The following ANXA4 variants were observed in gnomAD, a reference collection of about 807,000 sequenced individuals.
The protein encoded by ANXA4 is annexin A4.
In ANXA4, 39 loss-of-function variants were observed where a neutral mutation model predicts 49.8. That is an observed-to-expected ratio of 0.78 (90% CI 0.61 to 1.02). The LOEUF (loss-of-function observed/expected upper bound fraction) is 1.02, where lower values mean the gene tolerates loss of function less well. Ranked by LOEUF, ANXA4 falls within the 50% of genes least tolerant of loss-of-function variation. ANXA4 has a pLI of 0.00. For synonymous variants in ANXA4, 134 were observed against 152.5 expected, an observed-to-expected ratio of 0.88 and a Z score of 0.89; for missense variants, 360 against 410.1, an observed-to-expected ratio of 0.88 and a Z score of 1.05.
At chr2:69,717,944 G>T (rs1432125595) in intron 2 of ANXA4, among the ~76,000 whole-genome samples, 1 of 152,218 alleles carries the variant, frequency 6.6e-6, no homozygotes, top group Non-Finnish European at 1.5e-5. Flanking sequence ...GGAATTAAAA[G>T]GAATAGTTTT....
intron 1 of ANXA4, among the ~76,000 whole-genome samples, chr2:69,746,257 G>T (rs1388477984): frequency 1.3e-5 from 2 of 152,040 alleles, no homozygotes; most frequent in Non-Finnish European, 2.9e-5. Flanking sequence ...TGATCCACCC[G>T]CCTCGGCCTC....
intron 1 of ANXA4, among the ~76,000 whole-genome samples, chr2:69,762,623 T>A (rs560626940): frequency 4.0e-4 from 61 of 152,134 alleles, no homozygotes; most frequent in Admixed American, 7.2e-4. Flanking sequence ...AAAATATAAC[T>A]CCTAGCATGG....
intron 7 of ANXA4, chr2:69,810,919 G>A (rs1673679507): frequency 4.0e-6 from 2 of 505,438 alleles, no homozygotes; most frequent in Middle Eastern, 5.3e-4. Context: ...GTCACTCAGT[G>A]CATTGAGAGT....
intron 1 of ANXA4, among the ~76,000 whole-genome samples, chr2:69,780,475 C>T (rs773954460): frequency 5.3e-5 from 8 of 152,206 alleles, no homozygotes; most frequent in Admixed American, 1.3e-4. Context: ...GGATTACAGG[C>T]GTGAGCCACC....
chr2:69,656,715 A>G (rs1368072391), intron 2 of ANXA4, among the ~76,000 whole-genome samples: 1 of 151,080 alleles, frequency 6.6e-6, no homozygotes, highest in Admixed American at 6.6e-5. Context: ...ACACCCAACT[A>G]ATTTTTGTAT....
chr2:69,657,114 C>T (rs1166626489), intron 2 of ANXA4, among the ~76,000 whole-genome samples: 1 of 151,690 alleles, frequency 6.6e-6, no homozygotes, highest in East Asian at 1.9e-4. Flanking sequence ...CCTGGCTCAG[C>T]CTCCCGAGTA....
chr2:69,726,840 T>C (rs1669974083), intron 3 of ANXA4, among the ~76,000 whole-genome samples: 1 of 152,220 alleles, frequency 6.6e-6, no homozygotes, highest in Admixed American at 6.5e-5. Context: ...CTGTATTGTA[T>C]TCCATTATGT....
In ANXA4 at chr2:69,816,145, G is replaced by A; in HGVS notation, c.579G>A (p.Val193=). Residue 193 remains valine, a synonymous_variant, in exon 9 of 13, where the codon GTG becomes GTA. Coordinates refer to ENST00000394295, the MANE Select transcript of ANXA4 (RefSeq NM_001153.5). ...AGAAGAAATGGGGGACAGATGAGGTGAAATTTCTAACTGTTCTCTGTTCCC... is the reference window on the plus strand; with the variant it reads ...AGAAGAAATGGGGGACAGATGAGGTAAAATTTCTAACTGTTCTCTGTTCCC... ...AGEKKWGTDE[V]KFLTVLCSRN... 1.2e-6 allele frequency: 2 copies of A among 1,614,160 alleles called. No homozygotes were observed. The highest frequency in any genetic ancestry group is 1.7e-6 in the Non-Finnish European group (2 of 1,180,004).
At chr2:69,749,460 T>C (rs72839820) in intron 1 of ANXA4, among the ~76,000 whole-genome samples, 25,302 of 152,040 alleles carry the variant, frequency 0.17, 2,769 homozygotes, top group East Asian at 0.35. Flanking sequence ...AGTAGCAAAA[T>C]AGTAGAAACA....
chr2:69,701,218 A>G (rs1678320769), intron 2 of ANXA4, among the ~76,000 whole-genome samples: 1 of 151,990 alleles, frequency 6.6e-6, no homozygotes, highest in East Asian at 1.9e-4. Flanking sequence ...AAAAATTACT[A>G]TCTTAATCAT....
intron 1 of ANXA4, among the ~76,000 whole-genome samples, chr2:69,757,274 T>A (rs1466027322): frequency 0.013 from 1,344 of 102,834 alleles, 12 homozygotes; most frequent in African/African-American, 0.089. Flanking sequence ...ATATTTTTTT[T>A]TTTTTTTTTT....
At chr2:69,714,418 G>A (rs1379524448) in intron 2 of ANXA4, among the ~76,000 whole-genome samples, 1 of 152,222 alleles carries the variant, frequency 6.6e-6, no homozygotes, top group Non-Finnish European at 1.5e-5. Context: ...CCTGGCAACC[G>A]AAGCCGAAGG....
chr2:69,774,613 T>G (rs1435065036), intron 1 of ANXA4, among the ~76,000 whole-genome samples: 1 of 150,692 alleles, frequency 6.6e-6, no homozygotes, highest in East Asian at 2.0e-4. Flanking sequence ...GTGCAGAGAT[T>G]ACAGGCGTGA....
At chr2:69,753,404 G>A (rs1670930005) in intron 1 of ANXA4, among the ~76,000 whole-genome samples, 1 of 152,112 alleles carries the variant, frequency 6.6e-6, no homozygotes, top group East Asian at 1.9e-4. Flanking sequence ...AGAGTCAAGG[G>A]TCCTCACCGA....
At chr2:69,672,373 A>C (rs1002128915) in intron 2 of ANXA4, among the ~76,000 whole-genome samples, 2 of 151,916 alleles carry the variant, frequency 1.3e-5, no homozygotes, top group Admixed American at 6.6e-5. Flanking sequence ...CTGGGTTTAC[A>C]GTTATGTGCC....
intron 2 of ANXA4, among the ~76,000 whole-genome samples, chr2:69,672,848 G>A (rs987216508): frequency 6.6e-6 from 1 of 151,962 alleles, no homozygotes; most frequent in African/African-American, 2.4e-5. Context: ...GCTGGTAGTG[G>A]CTTTATGGAA....
intron 3 of ANXA4, among the ~76,000 whole-genome samples, chr2:69,791,728 C>T (rs868508025): frequency 2.0e-5 from 3 of 152,246 alleles, no homozygotes; most frequent in Middle Eastern, 3.4e-3. Context: ...TCATGACAAA[C>T]CTGCATTGGA....
chr2:69,808,268 A>G (rs978623477), intron 6 of ANXA4: 4 of 364,510 alleles, frequency 1.1e-5, no homozygotes, highest in African/African-American at 2.1e-5. Context: ...CCTTATTATC[A>G]GACAAAGAAT....
At chr2:69,721,281 G>T (rs1280977580) in intron 3 of ANXA4, among the ~76,000 whole-genome samples, 1 of 152,272 alleles carries the variant, frequency 6.6e-6, no homozygotes, top group African/African-American at 2.4e-5. Context: ...TGAGATTGGA[G>T]TTTAGATCTC....
Sources: allele counts gnomAD v4.1 joint callset (sites outside exome capture counted in the v4.1 genomes callset), GRCh38; gene constraint gnomAD v4.1.1; transcripts MANE v1.5; gene names NCBI Gene and HGNC (gene_info 2026-07-23, HGNC 2026-07-21).